ROBO2: variants seen among roughly 807,000 people sequenced by gnomAD.
ROBO2 encodes the protein roundabout guidance receptor 2.
Under a neutral mutation model 160.8 loss-of-function variants are expected in ROBO2, and 53 were observed. The ratio of observed to expected loss-of-function variants is 0.33; its 90% CI spans 0.26 to 0.41. ROBO2 has a LOEUF of 0.41. Ranked by LOEUF, ROBO2 falls within the 10% of genes least tolerant of loss-of-function variation. The pLI, the probability that ROBO2 is intolerant of heterozygous loss-of-function variation, is 1.00. For synonymous variants in ROBO2, 664 were observed against 611.7 expected (o/e 1.09, Z -1.26); for missense variants, 1,577 against 1,722.4 (o/e 0.92, Z 1.49).
At position 77,289,612 on chromosome 3, in the gene ROBO2, G is replaced by A. The variant is rs1200610077; in HGVS notation, c.389-187802G>A. 1.4e-4 allele frequency among the ~76,000 whole-genome samples: 21 copies of A among 149,826 alleles called. No individual in the cohort carries two copies. The East Asian group carries it at 2.4e-3, about 17-fold the overall frequency. On this transcript the variant is annotated intron_variant, in intron 2 of 25. Transcript: ENST00000461745. Reference sequence around the variant, plus strand: ...ACCAAAGACATAAAGTAAAATTGACGGTTAAACGGGTAAGCTGAGGCTAGA... The same window carrying A: ...ACCAAAGACATAAAGTAAAATTGACAGTTAAACGGGTAAGCTGAGGCTAGA...
chr3:75,958,490 C>T (rs1948795399), intron 2 of ROBO2, among the ~76,000 whole-genome samples: 1 of 151,542 alleles, frequency 6.6e-6, no homozygotes, highest in South Asian at 2.1e-4. Flanking sequence ...AAATGTGGCA[C>T]TGTAAGAAAA....
At chr3:77,126,307 C>T (rs997893358) in intron 2 of ROBO2, among the ~76,000 whole-genome samples, 14 of 152,002 alleles carry the variant, frequency 9.2e-5, no homozygotes, top group African/African-American at 1.7e-4. Context: ...AATAGAAGTT[C>T]GAATTGGTTA....
At chr3:77,507,070 G>A (rs970254260) in intron 5 of ROBO2, among the ~76,000 whole-genome samples, 64 of 151,998 alleles carry the variant, frequency 4.2e-4, no homozygotes, top group South Asian at 2.1e-4. Flanking sequence ...CTGAATTGGC[G>A]AAACTAGTAA....
chr3:77,261,209 A>G lies in ROBO2; in HGVS notation c.388+162869A>G, dbSNP rs545745767. 6.6e-5 allele frequency among the ~76,000 whole-genome samples: 10 copies of G among 152,228 alleles called. 1 individual carries two copies. Among genetic ancestry groups the G allele is most frequent in the Admixed American group, 6.5e-4 (10 of 15,274 alleles). On this transcript the variant is annotated intron_variant, in intron 2 of 25. Coordinates refer to ENST00000461745, the Ensembl canonical transcript of ROBO2. The stretch of plus-strand genomic sequence containing the variant: ...AACAAAGCCAAGTAGGGAGACAGTG[A>G]TGTGACTCTTATGCATGCCTGGACC...
intron 2 of ROBO2, among the ~76,000 whole-genome samples, chr3:76,268,738 T>C (rs149882175): frequency 0.011 from 1,745 of 152,302 alleles, 11 homozygotes; most frequent in Middle Eastern, 0.02. Flanking sequence ...TTATTTATCA[T>C]CATTTCCTCC....
intron 2 of ROBO2, among the ~76,000 whole-genome samples, chr3:76,859,377 G>T (rs2070492737): frequency 6.6e-6 from 1 of 152,120 alleles, no homozygotes; most frequent in Non-Finnish European, 1.5e-5. Context: ...TTTGTGAACA[G>T]CTCACATAGG....
At chr3:76,054,319 A>G (rs942897865) in intron 2 of ROBO2, among the ~76,000 whole-genome samples, 4 of 152,162 alleles carry the variant, frequency 2.6e-5, no homozygotes, top group Admixed American at 6.5e-5. Flanking sequence ...TCTCCTCCCT[A>G]GCCCTACCTC....
intron 2 of ROBO2, among the ~76,000 whole-genome samples, chr3:77,455,276 G>T (rs1327861683): frequency 6.6e-6 from 1 of 152,102 alleles, no homozygotes; most frequent in Non-Finnish European, 1.5e-5. Flanking sequence ...AAGTGTTTCA[G>T]CAGTTACAAT....
chr3:77,143,574 A>G (rs2076893811), intron 2 of ROBO2, among the ~76,000 whole-genome samples: 1 of 152,118 alleles, frequency 6.6e-6, no homozygotes, highest in African/African-American at 2.4e-5. Flanking sequence ...TAATATTTAT[A>G]TTTTATACTT....
intron 2 of ROBO2, among the ~76,000 whole-genome samples, chr3:76,980,260 G>T (rs12633395): frequency 6.6e-6 from 1 of 152,006 alleles, no homozygotes; most frequent in Admixed American, 6.6e-5. Flanking sequence ...AACCACAATG[G>T]GCCTAAGTAA....
chr3:76,107,581 C>T (rs998664239), intron 2 of ROBO2, among the ~76,000 whole-genome samples: 26 of 151,944 alleles, frequency 1.7e-4, no homozygotes, highest in East Asian at 3.9e-4. Context: ...CCTTTGCATA[C>T]GCTATTTTAT....
chr3:76,755,577 T>A (rs2060923269), intron 2 of ROBO2, among the ~76,000 whole-genome samples: 1 of 151,854 alleles, frequency 6.6e-6, no homozygotes, highest in Non-Finnish European at 1.5e-5. Flanking sequence ...TCCATTCACA[T>A]CTCAACTTCT....
At chr3:77,350,477 A>C (rs1289213948) in intron 2 of ROBO2, among the ~76,000 whole-genome samples, 2 of 152,178 alleles carry the variant, frequency 1.3e-5, no homozygotes, top group African/African-American at 2.4e-5. Context: ...TTAACATTTC[A>C]GTGTGAAACA....
chr3:76,948,908 A>ATTTTT (rs1157110855), intron 2 of ROBO2, among the ~76,000 whole-genome samples: 3 of 24,962 alleles, frequency 1.2e-4, no homozygotes, highest in African/African-American at 5.5e-4. Flanking sequence ...ATATATATAT[A>ATTTTT]TTTTTTTTTT....
At chr3:76,761,653 G>A (rs2061315953) in intron 2 of ROBO2, among the ~76,000 whole-genome samples, 1 of 151,684 alleles carries the variant, frequency 6.6e-6, no homozygotes, top group South Asian at 2.1e-4. Context: ...ATACTCTTAA[G>A]AGATTTGCAG....
chr3:76,664,357 AG>A (rs1451272969), intron 2 of ROBO2, among the ~76,000 whole-genome samples: 1 of 152,172 alleles, frequency 6.6e-6, no homozygotes, highest in Non-Finnish European at 1.5e-5. Context: ...GAAGGCTACT[AG>A]CATTGATACC....
chr3:76,728,891 A>T lies in ROBO2; in HGVS notation c.110-369123A>T, dbSNP rs572997627. Among the ~76,000 whole-genome samples the T allele has an allele frequency of 3.5e-5, 5 of 142,928 alleles. No individual in the cohort carries two copies. In the East Asian group the frequency reaches 1.0e-3, roughly 29 times the overall value. 93.8% of individuals were successfully genotyped at this position (142,928 alleles called of 152,430 possible). A position where few individuals can be genotyped will look rare whatever the true frequency, so the allele number is the denominator to read the frequency against. ...TTTAGTTTATAGAGTACCAGTAGTA[A>T]AAGTATTGACCATAAGTTGTTTTTT... On this transcript the variant is annotated intron_variant, in intron 2 of 26. Transcript: ENST00000487694.
chr3:75,996,611 A>C (rs1326826997), intron 2 of ROBO2, among the ~76,000 whole-genome samples: 4 of 152,204 alleles, frequency 2.6e-5, no homozygotes, highest in African/African-American at 7.2e-5. Flanking sequence ...AAGATGCATA[A>C]GATTCAAAAG....
At chr3:76,680,913 A>G (rs940405810) in intron 2 of ROBO2, among the ~76,000 whole-genome samples, 3 of 151,970 alleles carry the variant, frequency 2.0e-5, no homozygotes, top group African/African-American at 7.3e-5. Context: ...AGTAGCGGAG[A>G]CTACCGGGAT....
Sources: gnomAD v4.1 joint callset for allele counts (sites outside exome capture counted in the v4.1 genomes callset) on GRCh38, gnomAD v4.1.1 for gene constraint, MANE v1.5 for transcripts, NCBI Gene and HGNC (gene_info 2026-07-23, HGNC 2026-07-21) for gene names.